TET3: variants seen among roughly 807,000 people sequenced by gnomAD.
The protein encoded by TET3 is methylcytosine dioxygenase TET3.
In TET3, 19 loss-of-function variants were observed where a neutral mutation model predicts 141.4. The observed-to-expected ratio is 0.13, with a 90% CI of 0.09 to 0.20. The LOEUF is 0.20. Ranked by LOEUF, TET3 falls within the 10% of genes least tolerant of loss-of-function variation. The pLI is 1.00. For synonymous variants in TET3, 1,043 were observed against 980.9 expected (o/e 1.06, Z -1.18); for missense variants, 1,874 against 2,356.9 (o/e 0.80, Z 4.24).
chr2:74,022,048 T>C (rs559044213), intron 3 of TET3, among the ~76,000 whole-genome samples: 2 of 149,810 alleles, frequency 1.3e-5, no homozygotes, highest in African/African-American at 4.9e-5. Flanking sequence ...CCATAATTTT[T>C]CTACTCAGAG....
rs1444067339 is a variant in TET3 at position 74,047,825 on chromosome 2, C to T, written c.1908C>T (p.Ala636=). ...TCCTGGAAGGGCTTAGGTCCCCAGC[C>T]TCCCAGGAAGTGCAGGCTCATCCAC... ...QIVLEGLRSP[A]SQEVQAHPPA... is the part of the protein sequence containing the mutation. Residue 636 remains alanine (A), a synonymous_variant, in exon 4 of 12, where the codon GCC becomes GCT. Coordinates refer to ENST00000409262, the MANE Select transcript of TET3 (RefSeq NM_001287491.2). 1 of 1,613,258 alleles carries T rather than the reference C, an allele frequency of 6.2e-7. No individual in the cohort carries two copies. The highest frequency in any genetic ancestry group is 8.5e-7 in the Non-Finnish European group (1 of 1,179,568).
At chr2:74,045,957 T>C (rs1687597210) in intron 3 of TET3, among the ~76,000 whole-genome samples, 1 of 152,186 alleles carries the variant, frequency 6.6e-6, no homozygotes, top group Admixed American at 6.5e-5. Context: ...TTAAGGACCT[T>C]TTTGTGTGTC....
chr2:74,108,594 T>C (rs760108061), downstream of TET3, among the ~76,000 whole-genome samples: 1 of 152,230 alleles, frequency 6.6e-6, no homozygotes, highest in East Asian at 1.9e-4. Flanking sequence ...GATTGGCTAA[T>C]ATACGGAACC....
At chr2:74,083,489 T>C (rs1423549378) in intron 6 of TET3, among the ~76,000 whole-genome samples, 1 of 152,176 alleles carries the variant, frequency 6.6e-6, no homozygotes, top group Admixed American at 6.5e-5. Flanking sequence ...GTTATGTTAC[T>C]CTTGGTCTGG....
At chr2:73,997,595 A>G (rs1355994468) in intron 2 of TET3, among the ~76,000 whole-genome samples, 2 of 152,162 alleles carry the variant, frequency 1.3e-5, no homozygotes, top group Non-Finnish European at 2.9e-5. Context: ...CCTGGGTCCC[A>G]GGATCTACAA....
intron 4 of TET3, among the ~76,000 whole-genome samples, chr2:74,061,450 G>T (rs539697225): frequency 9.4e-5 from 14 of 148,796 alleles, no homozygotes; most frequent in African/African-American, 3.2e-4. Flanking sequence ...CGGACGGGGC[G>T]GCTGGCAGGG....
chr2:74,047,837 G>A lies in TET3; in HGVS notation c.1920G>A (p.Val640=), dbSNP rs1190884474. ...TTAGGTCCCCAGCCTCCCAGGAAGT[G>A]CAGGCTCATCCACCGGCCCCTCTGC... The part of the protein sequence containing the change: ...EGLRSPASQE[V]QAHPPAPLPA... The change falls in exon 4 of 12, where the codon GTG becomes GTA. Residue 640 remains valine (V), a synonymous_variant. Coordinates refer to ENST00000409262, the MANE Select transcript of TET3 (RefSeq NM_001287491.2). The A allele has an allele frequency of 6.2e-7, 1 of 1,612,836 alleles. No homozygotes were observed. Among genetic ancestry groups the A allele is most frequent in the Non-Finnish European group, 8.5e-7 (1 of 1,179,358 alleles).
chr2:74,135,323 C>G, the TET3 span: 22 of 483,666 alleles, frequency 4.5e-5, no homozygotes, highest in Non-Finnish European at 5.9e-5. Context: ...GCACTGCATT[C>G]TCTCTCTGTA....
intron 3 of TET3, among the ~76,000 whole-genome samples, chr2:74,013,208 A>T (rs1254831546): frequency 2.6e-5 from 4 of 151,800 alleles, no homozygotes. Context: ...GTTGGCCAGG[A>T]TGGTCTCGAT....
At chr2:74,008,438 C>G (rs1348362680) in intron 3 of TET3, among the ~76,000 whole-genome samples, 1 of 152,180 alleles carries the variant, frequency 6.6e-6, no homozygotes, top group East Asian at 1.9e-4. Flanking sequence ...CCTGTAGATG[C>G]TGGTGTGGAC....
Position 74,100,447 on chromosome 2 carries a change from T to C in TET3, c.3659T>C (p.Val1220Ala). Residue 1220 changes from valine to alanine, a missense_variant, in exon 12 of 12, where the codon GTG (valine) becomes GCG (alanine). By Grantham distance (64) the Val-to-Ala change is moderately conservative (BLOSUM62 0). Transcript: ENST00000409262. ...SQQGLKPSLK[V>A]EPQNHFSSFK... is the part of the protein sequence containing the mutation. ...CAAGGCCTGAAGCCCTCCCTCAAGG[T>C]GGAGCCGCAGAACCACTTCAGCTCC... is the stretch of plus-strand genomic sequence containing the variant. 6.3e-7 allele frequency: 1 copy of C among 1,580,524 alleles called. No homozygotes were observed. The highest frequency in any genetic ancestry group is 8.6e-7 in the Non-Finnish European group (1 of 1,163,564).
rs1691439169 is a variant in TET3, at chr2:74,105,406, C to T, written c.*3230C>T. 1 of 398,462 alleles carries T rather than the reference C, an allele frequency of 2.5e-6. No individual in the cohort carries two copies. The highest frequency in any genetic ancestry group is 4.4e-5 in the Admixed American group (1 of 22,698). 24.7% of individuals were successfully genotyped at this position (398,462 alleles called of 1,614,324 possible). ...TTTTAAAATAAAAATCGCTTCGCAG[C>T]AGGTTCTCACAAAATAACTGGTGCT... On this transcript the variant is annotated 3_prime_UTR_variant, in exon 12 of 12. Transcript: ENST00000409262.
chr2:74,077,532 T>C (rs1689577076), intron 5 of TET3, among the ~76,000 whole-genome samples: 1 of 152,232 alleles, frequency 6.6e-6, no homozygotes, highest in Non-Finnish European at 1.5e-5. Context: ...CTCTTCATGA[T>C]AGGCCAAAAA....
At position 74,101,938 on chromosome 2, in the gene TET3, C is replaced by T. The variant is rs748421940; in HGVS notation, c.5150C>T (p.Ala1717Val). The change falls in exon 12 of 12, where the codon GCG becomes GTG. Residue 1717 changes from alanine (A) to valine (V), a missense_variant. Physicochemically the swap from Ala to Val is moderately conservative, Grantham distance 64. Coordinates refer to ENST00000409262, the MANE Select transcript of TET3 (RefSeq NM_001287491.2). This position sits in a 1 kb window ranked among gnomAD's most constrained non-coding sequence, Gnocchi z 8.5. ...ALWEAKMKQL[A>V]ERARARQEEA... is the part of the protein sequence containing the mutation. ...TGGGAAGCCAAGATGAAGCAGCTGG[C>T]GGAGAGGGCACGGGCACGGCAGGAG... The T allele has an allele frequency of 5.0e-6, 8 of 1,612,944 alleles. No homozygotes were observed. The East Asian group carries it at 6.7e-5, about 13-fold the overall frequency.
intron 3 of TET3, among the ~76,000 whole-genome samples, chr2:74,038,735 G>C (rs765026959): frequency 6.6e-6 from 1 of 152,168 alleles, no homozygotes; most frequent in Non-Finnish European, 1.5e-5. Flanking sequence ...TAGAGACTCC[G>C]GTAGGTTTTG....
the TET3 span, among the ~76,000 whole-genome samples, chr2:74,115,267 C>A: frequency 1.1e-4 from 16 of 152,052 alleles, no homozygotes; most frequent in Non-Finnish European, 2.1e-4. Flanking sequence ...AGCAAAAAAA[C>A]GAAACAATGC....
chr2:74,090,407 T>C (rs897050876), intron 8 of TET3, among the ~76,000 whole-genome samples: 11 of 152,220 alleles, frequency 7.2e-5, no homozygotes, highest in African/African-American at 2.7e-4. Context: ...AGGTGTGAGG[T>C]TTAGCAGGAA....
intron 4 of TET3, among the ~76,000 whole-genome samples, chr2:74,056,354 T>C (rs140618649): frequency 6.6e-6 from 1 of 152,364 alleles, no homozygotes; most frequent in East Asian, 1.9e-4. Flanking sequence ...AAGGATATAT[T>C]CATTCTCTCC....
intron 3 of TET3, among the ~76,000 whole-genome samples, chr2:74,027,404 A>G (rs989939848): frequency 1.0e-4 from 15 of 150,420 alleles, no homozygotes; most frequent in Non-Finnish European, 2.9e-5. Context: ...ACCCATTGGC[A>G]GTGTATAATT....
Sources: gnomAD v4.1 joint callset for allele counts (sites outside exome capture counted in the v4.1 genomes callset) on GRCh38, gnomAD v4.1.1 for gene constraint, Gnocchi (gnomAD v3.1) non-coding constraint, MANE v1.5 for transcripts, NCBI Gene and HGNC (gene_info 2026-07-23, HGNC 2026-07-21) for gene names.